CRYZL1: variants seen among roughly 807,000 people sequenced by gnomAD.
The protein encoded by CRYZL1 is crystallin zeta like 1, also known as ferry endosomal RAB5 effector complex subunit 4.
Under a neutral mutation model 50.6 loss-of-function variants are expected in CRYZL1, and 34 were observed. That is an observed-to-expected ratio of 0.67 (90% confidence interval 0.51 to 0.89). The LOEUF is 0.89. Ranked by LOEUF, CRYZL1 falls within the 40% of genes least tolerant of loss-of-function variation. The probability of loss-of-function intolerance (pLI) is 0.00; values close to 1 mark genes in which losing one functional copy is unlikely to be tolerated. For synonymous variants in CRYZL1, 125 were observed against 134.3 expected (o/e 0.93, Z 0.48); for missense variants, 354 against 402.3 (o/e 0.88, Z 1.03).
chr21:33,634,194 G>A (rs1275804494), intron 1 of CRYZL1, among the ~76,000 whole-genome samples: 2 of 152,140 alleles, frequency 1.3e-5, no homozygotes, highest in Admixed American at 6.5e-5. Context: ...TGGGGGCTGG[G>A]GAGAACCGAA....
intron 1 of CRYZL1, chr21:33,641,043 G>A (rs904310382): frequency 1.5e-6 from 2 of 1,324,882 alleles, no homozygotes; most frequent in Non-Finnish European, 1.9e-6. Context: ...ATGACATAAG[G>A]GACTCGCATT....
intron 4 of CRYZL1, among the ~76,000 whole-genome samples, chr21:33,621,239 C>G (rs1187371579): frequency 6.7e-6 from 1 of 149,820 alleles, no homozygotes; most frequent in South Asian, 2.1e-4. Context: ...CTGGGCCATA[C>G]TGGAAGAGAA....
At chr21:33,624,976 T>G (rs866226131) in intron 2 of CRYZL1, among the ~76,000 whole-genome samples, 9 of 152,306 alleles carry the variant, frequency 5.9e-5, no homozygotes, top group South Asian at 4.1e-4. Context: ...TTTGGATACA[T>G]ATTTTTAAAA....
At chr21:33,601,942 G>A (rs572501830) in intron 8 of CRYZL1, among the ~76,000 whole-genome samples, 58 of 150,494 alleles carry the variant, frequency 3.9e-4, no homozygotes, top group African/African-American at 1.4e-3. Flanking sequence ...AGCAAATTGG[G>A]AGATAGCACA....
At position 33,624,712 on chromosome 21, in the gene CRYZL1, C is replaced by T. The variant is rs13050238; in HGVS notation, c.115G>A (p.Ala39Thr). ...EDNFVKLQVKACALSQINTKL... is the reference protein window; with the variant it reads ...EDNFVKLQVKTCALSQINTKL... ...GTATTTATCTGGCTCAGAGCACAAG[C>T]TTTAACTTGAAGTTTCACAAAGTTA... The change falls in exon 3 of 13, where the codon GCT (alanine) becomes ACT (threonine). Residue 39 changes from alanine to threonine, a missense_variant. By Grantham distance (58) the Ala-to-Thr change is moderately conservative. Coordinates refer to ENST00000381554, the MANE Select transcript of CRYZL1 (RefSeq NM_145858.3). 0.024 allele frequency: 38,715 copies of T among 1,597,820 alleles called. 573 individuals carry two copies. Among genetic ancestry groups the T allele is most frequent in the Non-Finnish European group, 0.03 (34,866 of 1,176,012 alleles).
At chr21:33,636,845 C>G (rs769171201) in intron 1 of CRYZL1, among the ~76,000 whole-genome samples, 1 of 152,252 alleles carries the variant, frequency 6.6e-6, no homozygotes, top group South Asian at 2.1e-4. Context: ...TTCACTCTGT[C>G]GCCCAGGCTA....
chr21:33,640,339 T>C, intron 1 of CRYZL1, among the ~76,000 whole-genome samples: 1 of 151,576 alleles, frequency 6.6e-6, no homozygotes, highest in East Asian at 1.9e-4. Flanking sequence ...AAATTAGTGA[T>C]AAAAGGTAGT....
At chr21:33,636,260 G>A (rs995544141) in intron 1 of CRYZL1, among the ~76,000 whole-genome samples, 1 of 151,958 alleles carries the variant, frequency 6.6e-6, no homozygotes, top group Non-Finnish European at 1.5e-5. Flanking sequence ...AATAAGCCTG[G>A]CGTAGTGGTG....
chr21:33,618,072 G>A (rs867276640), intron 4 of CRYZL1, among the ~76,000 whole-genome samples: 4 of 151,986 alleles, frequency 2.6e-5, no homozygotes, highest in South Asian at 2.1e-4. Context: ...GGTGGATCAC[G>A]AGGTCAGGAG....
intron 3 of CRYZL1, among the ~76,000 whole-genome samples, chr21:33,623,896 G>T (rs146343170): frequency 2.0e-5 from 3 of 152,286 alleles, no homozygotes; most frequent in African/African-American, 7.2e-5. Context: ...AGGGTAATGT[G>T]AGGTAAAGAT....
At chr21:33,619,746 G>C (rs1321128104) in intron 4 of CRYZL1, among the ~76,000 whole-genome samples, 1 of 151,966 alleles carries the variant, frequency 6.6e-6, no homozygotes, top group Non-Finnish European at 1.5e-5. Flanking sequence ...TACCCTTGAC[G>C]CCTGCCCAGG....
At chr21:33,635,739 T>C (rs903763116) in intron 1 of CRYZL1, among the ~76,000 whole-genome samples, 2 of 151,732 alleles carry the variant, frequency 1.3e-5, no homozygotes, top group African/African-American at 4.8e-5. Flanking sequence ...AACCAGAACT[T>C]TGGGAGACCG....
intron 10 of CRYZL1, 76 bp from the exon 11 acceptor site, chr21:33,595,912 A>G: frequency 1.1e-6 from 1 of 922,760 alleles, no homozygotes; most frequent in Non-Finnish European, 1.8e-6. Context: ...CGAGTCAGAA[A>G]AACTTCTACA....
chr21:33,624,543 C>A (rs2087038050), intron 3 of CRYZL1, 140 bp downstream of exon 3: 1 of 1,360,768 alleles, frequency 7.3e-7, no homozygotes, highest in African/African-American at 1.5e-5. Flanking sequence ...GAGTGAAACT[C>A]CGTCTCAAAT....
chr21:33,623,924 C>T lies in CRYZL1; in HGVS notation c.144+759G>A, dbSNP rs115558841. On this transcript the variant is annotated intron_variant, in intron 3 of 12. Coordinates refer to ENST00000381554, the MANE Select transcript of CRYZL1 (RefSeq NM_145858.3). ...GTAAAGATGTATGTTTATGAGAGAGCGACACAAAAAGAAATGACAAGAGAA... is the reference window on the plus strand; with the variant it reads ...GTAAAGATGTATGTTTATGAGAGAGTGACACAAAAAGAAATGACAAGAGAA... 3.6e-3 allele frequency among the ~76,000 whole-genome samples: 547 copies of T among 151,922 alleles called. 3 individuals carry two copies. The highest frequency in any genetic ancestry group is 0.012 in the African/African-American group (515 of 41,442).
chr21:33,590,013 A>G (rs1395744371), intron 12 of CRYZL1, 92 bp from the exon 13 acceptor site: 7 of 674,270 alleles, frequency 1.0e-5, no homozygotes, highest in Non-Finnish European at 1.3e-5. Flanking sequence ...GCTCAAATCT[A>G]TTAGTGTATT....
At chr21:33,594,638 C>CA (rs561625471) in intron 11 of CRYZL1, 1 of 105,318 alleles carries the variant, frequency 9.5e-6, no homozygotes, top group Non-Finnish European at 1.9e-5. Context: ...AATTACGTAA[C>CA]TTTTTTTTTT....
At chr21:33,630,195 G>A (rs2087121154) in intron 2 of CRYZL1, among the ~76,000 whole-genome samples, 1 of 152,146 alleles carries the variant, frequency 6.6e-6, no homozygotes, top group Non-Finnish European at 1.5e-5. Context: ...TGCCGGTAAG[G>A]ATGTGGAGAA....
At chr21:33,609,704 T>C (rs933539513) in intron 6 of CRYZL1, among the ~76,000 whole-genome samples, 2 of 151,936 alleles carry the variant, frequency 1.3e-5, no homozygotes, top group Non-Finnish European at 2.9e-5. Flanking sequence ...TTCTCTTTTC[T>C]TTTCTTTTCA....
Sources: gnomAD v4.1 joint callset for allele counts (sites outside exome capture counted in the v4.1 genomes callset) on GRCh38, gnomAD v4.1.1 for gene constraint, MANE v1.5 for transcripts, NCBI Gene and HGNC (gene_info 2026-07-23, HGNC 2026-07-21) for gene names.